The following SLC9A2 variants were observed in gnomAD, a reference collection of about 807,000 sequenced individuals.
The protein encoded by SLC9A2 is solute carrier family 9 member A2.
A neutral mutation model predicts 71.7 loss-of-function variants in SLC9A2; 42 were observed. That is an observed-to-expected ratio of 0.59 (90% CI 0.46 to 0.76). The LOEUF is 0.76. Among genes scored for constraint, SLC9A2 ranks in the 30% least tolerant of loss-of-function variants. The probability of loss-of-function intolerance (pLI) is 0.00; values close to 1 mark genes in which losing one functional copy is unlikely to be tolerated. For missense variants in SLC9A2, 829 were observed against 1,017.4 expected, an observed-to-expected ratio of 0.81 and a Z score of 2.52; for synonymous variants, 396 against 392.5, an observed-to-expected ratio of 1.01 and a Z score of -0.10.
Position 102,658,009 on chromosome 2 carries a change from G to A in SLC9A2, c.735G>A (p.Leu245=). The change falls in exon 2 of 12, where the codon CTG becomes CTA. Residue 245 remains leucine, a synonymous_variant. Coordinates refer to ENST00000233969, the MANE Select transcript of SLC9A2 (RefSeq NM_003048.6). ...TCCTGGTCTTTGGAGAGTCCCTGCT[G>A]AATGATGCAGTAACAGTGGTGAGTC... The part of the protein sequence containing the change: ...LYILVFGESL[L]NDAVTVVLYN... 2 of 1,607,660 alleles carry A rather than the reference G, an allele frequency of 1.2e-6. No homozygotes were observed. Among genetic ancestry groups the A allele is most frequent in the Non-Finnish European group, 1.7e-6 (2 of 1,176,662 alleles).
At chr2:102,640,326 A>G (rs898565388) in intron 1 of SLC9A2, among the ~76,000 whole-genome samples, 1 of 152,180 alleles carries the variant, frequency 6.6e-6, no homozygotes, top group Non-Finnish European at 1.5e-5. Flanking sequence ...CTAAAATTCA[A>G]TTCTATTCTC....
At chr2:102,630,523 T>G (rs933551765) in intron 1 of SLC9A2, among the ~76,000 whole-genome samples, 7 of 152,202 alleles carry the variant, frequency 4.6e-5, no homozygotes, top group East Asian at 1.9e-4. Flanking sequence ...TTTTAACGTG[T>G]CTAAGTATAG....
chr2:102,662,457 G>A (rs6724541), intron 2 of SLC9A2, among the ~76,000 whole-genome samples: 3,784 of 152,176 alleles, frequency 0.025, 153 homozygotes, highest in African/African-American at 0.086. Flanking sequence ...TGGGGACATG[G>A]GGCACTCACT....
Position 102,627,132 on chromosome 2 carries a change from A to G in SLC9A2, c.289+6995A>G, listed in dbSNP as rs147237416. Among the ~76,000 whole-genome samples, 66 of 118,774 alleles carry G rather than the reference A, an allele frequency of 5.6e-4. No individual in the cohort carries two copies. In the East Asian group the frequency reaches 0.029, roughly 52 times the overall value. 77.9% of individuals were successfully genotyped at this position (118,774 alleles called of 152,430 possible). A position where few individuals can be genotyped will look rare whatever the true frequency, so the allele number is the denominator to read the frequency against. On this transcript the variant is annotated intron_variant, in intron 1 of 11. Transcript: ENST00000233969. ...GAGGCCCAATCTCTTCAAAATGTTA[A>G]CAACAACAACAACAACAACAATAAC...
intron 10 of SLC9A2, among the ~76,000 whole-genome samples, chr2:102,705,598 GT>G (rs1465200670): frequency 6.6e-6 from 1 of 152,188 alleles, no homozygotes; most frequent in East Asian, 1.9e-4. Flanking sequence ...AGACCCAGTG[GT>G]TTTCATATTT....
In SLC9A2 at chr2:102,696,824, A is replaced by G. The variant is rs185086580; in HGVS notation, c.1586+1711A>G. Among the ~76,000 whole-genome samples the G allele has an allele frequency of 4.4e-3, 667 of 152,254 alleles. 9 individuals are homozygous for G. The highest frequency in any genetic ancestry group is 3.9e-3 in the Non-Finnish European group (268 of 68,012). On this transcript the variant is annotated intron_variant, in intron 7 of 11. Transcript: ENST00000233969. ...GAACACAAGGTAATAAAATTAAGCA[A>G]ATTATATTCTCCATTGTAAAACTAT... is the stretch of plus-strand genomic sequence containing the variant.
At position 102,704,601 on chromosome 2, in the gene SLC9A2, G is replaced by C. The variant is rs767241324; in HGVS notation, c.1903G>C (p.Glu635Gln). 5.6e-6 allele frequency: 9 copies of C among 1,613,558 alleles called. No individual in the cohort carries two copies. ...TADTSERQAK[E>Q]ILIRRRHSLR... Reference sequence around the variant, plus strand: ...CGACACAAGTGAGAGACAAGCCAAGGAGATTCTGATTCGCCGGCGACACAG... The same window carrying C: ...CGACACAAGTGAGAGACAAGCCAAGCAGATTCTGATTCGCCGGCGACACAG... Residue 635 changes from glutamate (E) to glutamine (Q), a missense_variant, in exon 10 of 12, where the codon GAG (glutamate) becomes CAG (glutamine). Physicochemically the swap from Glu to Gln is conservative, Grantham distance 29 (BLOSUM62 2). This residue lies in a region of SLC9A2 where 500 missense variants were observed against 726.3 expected (regional missense o/e 0.69). Coordinates refer to ENST00000233969, the MANE Select transcript of SLC9A2 (RefSeq NM_003048.6).
chr2:102,705,346 T>C (rs933094974), intron 10 of SLC9A2, among the ~76,000 whole-genome samples: 7 of 152,216 alleles, frequency 4.6e-5, no homozygotes, highest in African/African-American at 1.7e-4. Flanking sequence ...ATGTGTAAAA[T>C]GTAGCAGTGT....
intron 2 of SLC9A2, among the ~76,000 whole-genome samples, chr2:102,658,817 G>T (rs1573412190): frequency 6.6e-6 from 1 of 151,990 alleles, no homozygotes; most frequent in East Asian, 1.9e-4. Flanking sequence ...TACCTCCAAA[G>T]AGCTCTGTGT....
Position 102,683,287 on chromosome 2 carries a change from A to G in SLC9A2, c.1031A>G (p.Asn344Ser), listed in dbSNP as rs1677489304. Residue 344 changes from asparagine (N) to serine (S), a missense_variant, in exon 4 of 12, where the codon AAT becomes AGT. By Grantham distance (46) the Asn-to-Ser change is conservative. Coordinates refer to ENST00000233969, the MANE Select transcript of SLC9A2 (RefSeq NM_003048.6). ...ATCACTGCTTGTGCAATGACTATGA[A>G]TAAGTACGTAGAAGAAAATGTATCT... ...MAITACAMTM[N>S]KYVEENVSQK... 6.2e-7 allele frequency: 1 copy of G among 1,613,446 alleles called. No homozygotes were observed. Among genetic ancestry groups the G allele is most frequent in the African/African-American group, 1.3e-5 (1 of 74,908 alleles).
intron 5 of SLC9A2, among the ~76,000 whole-genome samples, chr2:102,688,876 T>C (rs1486065966): frequency 6.6e-6 from 1 of 152,202 alleles, no homozygotes; most frequent in Non-Finnish European, 1.5e-5. Context: ...AAGGGGCAGA[T>C]CTCAAGAATT....
intron 5 of SLC9A2, among the ~76,000 whole-genome samples, chr2:102,692,144 T>C (rs537474469): frequency 4.2e-4 from 64 of 152,314 alleles, no homozygotes; most frequent in African/African-American, 1.5e-3. Flanking sequence ...CATGTGTTGA[T>C]TGGAAAACTG....
intron 3 of SLC9A2, among the ~76,000 whole-genome samples, chr2:102,665,794 A>AAAG (rs1243384786): frequency 6.6e-6 from 1 of 151,226 alleles, no homozygotes; most frequent in African/African-American, 2.4e-5. Context: ...AAAAAAAAAA[A>AAAG]AAAAAAAGAT....
intron 5 of SLC9A2, among the ~76,000 whole-genome samples, chr2:102,688,483 A>C (rs1178615511): frequency 6.6e-6 from 1 of 152,238 alleles, no homozygotes; most frequent in Non-Finnish European, 1.5e-5. Flanking sequence ...TAATTCCAGC[A>C]CTTTGGGAGG....
intron 2 of SLC9A2, among the ~76,000 whole-genome samples, chr2:102,661,969 C>T (rs1478462886): frequency 1.3e-5 from 2 of 152,160 alleles, no homozygotes. Context: ...TGGTTTCGGC[C>T]AGTTGTAACC....
intron 1 of SLC9A2, among the ~76,000 whole-genome samples, chr2:102,634,441 T>C (rs1002797560): frequency 1.9e-4 from 29 of 152,200 alleles, no homozygotes; most frequent in African/African-American, 6.8e-4. Context: ...GCTTCTTCGT[T>C]AGGTTGTTGT....
At chr2:102,640,870 C>T (rs982901781) in intron 1 of SLC9A2, among the ~76,000 whole-genome samples, 2 of 152,196 alleles carry the variant, frequency 1.3e-5, no homozygotes, top group Non-Finnish European at 2.9e-5. Context: ...CCAGTCATCT[C>T]ATTAGCATAC....
intron 1 of SLC9A2, among the ~76,000 whole-genome samples, chr2:102,629,686 A>G (rs865986422): frequency 3.3e-5 from 5 of 152,090 alleles, no homozygotes; most frequent in Admixed American, 2.6e-4. Flanking sequence ...TTTGTTTTTC[A>G]TACATAATTA....
At chr2:102,662,770 A>AC (rs1364054625) in intron 2 of SLC9A2, among the ~76,000 whole-genome samples, 4 of 152,066 alleles carry the variant, frequency 2.6e-5, no homozygotes, top group Non-Finnish European at 4.4e-5. Flanking sequence ...AGTTTAAAAA[A>AC]AAAAAGCGTC....
Sources: gnomAD v4.1 joint callset for allele counts (sites outside exome capture counted in the v4.1 genomes callset) on GRCh38, gnomAD v4.1.1 for gene constraint, gnomAD v4.1.1 regional missense constraint, MANE v1.5 for transcripts, NCBI Gene and HGNC (gene_info 2026-07-23, HGNC 2026-07-21) for gene names.